The following CNTNAP2 variants were observed in gnomAD, a reference collection of about 807,000 sequenced individuals.
CNTNAP2 encodes the protein contactin-associated protein-like 2.
In CNTNAP2, 98 loss-of-function variants were observed where a neutral mutation model predicts 155.2. The ratio of observed to expected loss-of-function variants is 0.63; its 90% CI spans 0.54 to 0.75. The LOEUF (loss-of-function observed/expected upper bound fraction) is 0.75. Among genes scored for constraint, CNTNAP2 ranks in the 30% least tolerant of loss-of-function variants. CNTNAP2 has a pLI of 0.00. For synonymous variants in CNTNAP2, 651 were observed against 631.2 expected, an observed-to-expected ratio of 1.03 and a Z score of -0.47; for missense variants, 1,727 against 1,688.1, an observed-to-expected ratio of 1.02 and a Z score of -0.40.
intron 16 of CNTNAP2, among the ~76,000 whole-genome samples, chr7:148,146,118 C>T (rs930754865): frequency 6.6e-6 from 1 of 152,120 alleles, no homozygotes; most frequent in Admixed American, 6.5e-5. Context: ...GTGACATCGT[C>T]TTAAAATGGT....
rs144151372 is a variant in CNTNAP2, at chr7:148,076,791, C to T, written c.2384-41327C>T. ...CTGTGTTCATCAGTTTCATATCTCC[C>T]CTCTTACTTTCCACCATCACAAAAG... On this transcript the variant is annotated intron_variant, in intron 15 of 23. Coordinates refer to ENST00000361727, the MANE Select transcript of CNTNAP2 (RefSeq NM_014141.6). Among the ~76,000 whole-genome samples, 3 of 152,142 alleles carry T rather than the reference C, an allele frequency of 2.0e-5. No homozygotes were observed. In the East Asian group the frequency reaches 5.8e-4, roughly 29 times the overall value.
At chr7:146,271,210 T>G (rs1179084901) in intron 1 of CNTNAP2, among the ~76,000 whole-genome samples, 1 of 152,092 alleles carries the variant, frequency 6.6e-6, no homozygotes, top group East Asian at 1.9e-4. Flanking sequence ...CAAGACCAAA[T>G]TTATCATCAA....
intron 4 of CNTNAP2, among the ~76,000 whole-genome samples, chr7:147,052,038 C>T (rs1799482945): frequency 6.6e-6 from 1 of 152,050 alleles, no homozygotes; most frequent in Non-Finnish European, 1.5e-5. Flanking sequence ...AACAGGCAGT[C>T]ATTGGAGATA....
At chr7:146,208,429 T>A (rs1253255677) in intron 1 of CNTNAP2, among the ~76,000 whole-genome samples, 1 of 152,130 alleles carries the variant, frequency 6.6e-6, no homozygotes, top group Non-Finnish European at 1.5e-5. Context: ...TAAGACTGAT[T>A]AGTGTTGCTT....
At chr7:146,222,312 TA>T (rs1416720459) in intron 1 of CNTNAP2, among the ~76,000 whole-genome samples, 1 of 152,142 alleles carries the variant, frequency 6.6e-6, no homozygotes. Context: ...AAGAACATAG[TA>T]ATGTCCTGTA....
At chr7:147,335,522 A>T (rs967156715) in intron 9 of CNTNAP2, among the ~76,000 whole-genome samples, 2 of 152,188 alleles carry the variant, frequency 1.3e-5, no homozygotes, top group Non-Finnish European at 2.9e-5. Context: ...AGAGAAAACA[A>T]AATCATCAGG....
chr7:146,846,697 CAA>C (rs1803848540), intron 3 of CNTNAP2, among the ~76,000 whole-genome samples: 1 of 151,838 alleles, frequency 6.6e-6, no homozygotes, highest in Non-Finnish European at 1.5e-5. Flanking sequence ...ACTGTTCTAA[CAA>C]ATATGGTTAT....
At chr7:147,808,388 G>A (rs950320745) in intron 13 of CNTNAP2, among the ~76,000 whole-genome samples, 13 of 152,292 alleles carry the variant, frequency 8.5e-5, no homozygotes, top group Non-Finnish European at 1.5e-4. Context: ...TAGTGGAAAA[G>A]GGATTGCTGG....
chr7:146,571,287 G>A (rs1401294456), intron 1 of CNTNAP2, among the ~76,000 whole-genome samples: 1 of 151,882 alleles, frequency 6.6e-6, no homozygotes, highest in Non-Finnish European at 1.5e-5. Flanking sequence ...TCTCCACTCT[G>A]CTCAGATACA....
At chr7:146,529,258 G>GA (rs1453600715) in intron 1 of CNTNAP2, among the ~76,000 whole-genome samples, 1 of 151,926 alleles carries the variant, frequency 6.6e-6, no homozygotes, top group Non-Finnish European at 1.5e-5. Flanking sequence ...TGTTAACAAA[G>GA]AAAAAATATA....
chr7:146,548,289 G>A (rs1335055191), intron 1 of CNTNAP2, among the ~76,000 whole-genome samples: 1 of 151,888 alleles, frequency 6.6e-6, no homozygotes, highest in African/African-American at 2.4e-5. Context: ...CCTGAAAAGG[G>A]TATGATTTTG....
intron 8 of CNTNAP2, among the ~76,000 whole-genome samples, chr7:147,250,733 C>T (rs1437777817): frequency 1.3e-5 from 2 of 152,090 alleles, no homozygotes. Flanking sequence ...AATGTGGCTC[C>T]TTGTATCATC....
chr7:146,429,320 G>A (rs1217992185), intron 1 of CNTNAP2, among the ~76,000 whole-genome samples: 1 of 151,868 alleles, frequency 6.6e-6, no homozygotes, highest in Admixed American at 6.6e-5. Flanking sequence ...AAATTACTTT[G>A]GGCAGTATGG....
At chr7:146,885,936 T>A (rs1342139476) in intron 3 of CNTNAP2, among the ~76,000 whole-genome samples, 1 of 24,756 alleles carries the variant, frequency 4.0e-5, no homozygotes, top group Non-Finnish European at 6.5e-5. Context: ...TCGGTGTGTG[T>A]GTGTGTGTGT....
chr7:147,137,866 T>C (rs1408298441), intron 8 of CNTNAP2, among the ~76,000 whole-genome samples: 2 of 136,234 alleles, frequency 1.5e-5, no homozygotes, highest in Non-Finnish European at 3.1e-5. Context: ...GGAAAATAGA[T>C]AGATACGTAG....
chr7:148,223,481 T>C (rs1795789068), intron 19 of CNTNAP2, among the ~76,000 whole-genome samples: 1 of 152,176 alleles, frequency 6.6e-6, no homozygotes, highest in Non-Finnish European at 1.5e-5. Flanking sequence ...AAAAGAGAAG[T>C]CCCTTATAAC....
Position 147,419,768 on chromosome 7 carries a change from CT to C in CNTNAP2, c.1670+23990del, listed in dbSNP as rs376781433. On this transcript the variant is annotated intron_variant, in intron 10 of 23. Transcript: ENST00000361727. ...TACTGCATCAAATTTGAAAATAATTCTTCTTGATCTGGTCCCAGATTTGATC... is the reference window on the plus strand; with the variant it reads ...TACTGCATCAAATTTGAAAATAATTCTCTTGATCTGGTCCCAGATTTGATC... Among the ~76,000 whole-genome samples the C allele has an allele frequency of 6.2e-4, 94 of 152,214 alleles. 3 individuals are homozygous for C. In the South Asian group the frequency reaches 0.018, roughly 30 times the overall value.
intron 21 of CNTNAP2, among the ~76,000 whole-genome samples, chr7:148,343,791 G>A (rs1196564001): frequency 1.3e-5 from 2 of 152,218 alleles, no homozygotes; most frequent in East Asian, 3.9e-4. Flanking sequence ...ATTTAGAGGA[G>A]AATCGTGTGA....
chr7:146,864,330 A>G (rs1321832754), intron 3 of CNTNAP2, among the ~76,000 whole-genome samples: 1 of 152,176 alleles, frequency 6.6e-6, no homozygotes, highest in South Asian at 2.1e-4. Flanking sequence ...GCAAATCATC[A>G]TGATTATGGC....
Sources: gnomAD v4.1 joint callset for allele counts (sites outside exome capture counted in the v4.1 genomes callset) on GRCh38, gnomAD v4.1.1 for gene constraint, MANE v1.5 for transcripts, NCBI Gene and HGNC (gene_info 2026-07-23, HGNC 2026-07-21) for gene names.